TOP1: variants seen among roughly 807,000 people sequenced by gnomAD.
The protein encoded by TOP1 is DNA topoisomerase I.
Under a neutral mutation model 111.1 loss-of-function variants are expected in TOP1, and 10 were observed. The observed-to-expected ratio is 0.09, with a 90% CI of 0.06 to 0.15. The LOEUF is 0.15. TOP1 is among the 10% of genes least tolerant of loss of function. The probability of loss-of-function intolerance (pLI) is 1.00; values close to 1 mark genes in which losing one functional copy is unlikely to be tolerated. For synonymous variants in TOP1, 271 were observed against 302.9 expected, an observed-to-expected ratio of 0.89 and a Z score of 1.10; for missense variants, 474 against 926.7, an observed-to-expected ratio of 0.51 and a Z score of 6.34.
chr20:41,076,154 G>T lies in TOP1; in HGVS notation c.156-17G>T. ...TCCCTACTCTGGGCTAACGCTTTGT[G>T]ACTTAACTTTTTACAGTGAACATAA... On this transcript the variant is annotated splice_polypyrimidine_tract_variant and intron_variant, in intron 3 of 20. Transcript: ENST00000361337. The T allele has an allele frequency of 1.2e-6, 2 of 1,604,042 alleles. No individual in the cohort carries two copies. The highest frequency in any genetic ancestry group is 2.2e-5 in the South Asian group (2 of 88,954).
In TOP1 at chr20:41,123,245, G is replaced by A. The variant is rs56111014; in HGVS notation, c.2246G>A (p.Arg749Gln). 2 of 1,614,022 alleles carry A rather than the reference G, an allele frequency of 1.2e-6. No homozygotes were observed. Among genetic ancestry groups the A allele is most frequent in the African/African-American group, 1.3e-5 (1 of 74,918 alleles). The change falls in exon 21 of 21, where the codon CGG becomes CAG. Residue 749 changes from arginine (R) to glutamine (Q), a missense_variant. By Grantham distance (43) the Arg-to-Gln change is conservative (BLOSUM62 1). Transcript: ENST00000361337. The surrounding 1 kb of genome is among the most constrained non-coding windows in gnomAD (Gnocchi z 5.8). ...GAGAAGATTTACAACAAAACCCAGC[G>A]GGAGAAGTTTGCCTGGGCCATTGAC... ...PIEKIYNKTQ[R>Q]EKFAWAIDMA...
chr20:41,098,655 A>G lies in TOP1; in HGVS notation c.975+318A>G. ...CCACAGTGGCTACTGGATATTAAGG[A>G]TTTAAGACAGATGAAATCATATTGG... On this transcript the variant is annotated intron_variant, in intron 11 of 20. Coordinates refer to ENST00000361337, the MANE Select transcript of TOP1 (RefSeq NM_003286.4). The surrounding 1 kb of genome is among the most constrained non-coding windows in gnomAD (Gnocchi z 5.7). The G allele has an allele frequency of 4.8e-6, 1 of 208,012 alleles. No individual in the cohort carries two copies. The highest frequency in any genetic ancestry group is 9.7e-6 in the Non-Finnish European group (1 of 103,022). 12.9% of individuals were successfully genotyped at this position (208,012 alleles called of 1,614,324 possible).
In TOP1 at chr20:41,110,661, A is replaced by G. The variant is rs2034222235; in HGVS notation, c.1309-2121A>G. Among the ~76,000 whole-genome samples the G allele has an allele frequency of 6.6e-6, 1 of 152,226 alleles. No individual in the cohort carries two copies. Among genetic ancestry groups the G allele is most frequent in the African/African-American group, 2.4e-5 (1 of 41,458 alleles). On this transcript the variant is annotated intron_variant, in intron 13 of 20. Coordinates refer to ENST00000361337, the MANE Select transcript of TOP1 (RefSeq NM_003286.4). This position sits in a 1 kb window ranked among gnomAD's most constrained non-coding sequence, Gnocchi z 4.2. ...AGTCATCCAAAGAATGTCATCTACAATCAGTTAAATTAGATTTTTACCCAT... is the reference window on the plus strand; with the variant it reads ...AGTCATCCAAAGAATGTCATCTACAGTCAGTTAAATTAGATTTTTACCCAT...
At chr20:41,054,894 C>G (rs138424491) in intron 2 of TOP1, among the ~76,000 whole-genome samples, 4 of 152,228 alleles carry the variant, frequency 2.6e-5, no homozygotes, top group African/African-American at 7.2e-5. Context: ...ACATCTATTC[C>G]TACAGTAGGA....
intron 3 of TOP1, among the ~76,000 whole-genome samples, chr20:41,068,876 G>A (rs559615030): frequency 1.2e-4 from 18 of 152,206 alleles, no homozygotes; most frequent in African/African-American, 4.1e-4. Flanking sequence ...TTGGGAGGGG[G>A]GCTTGATTTT....
chr20:41,072,206 A>G (rs1488048919), intron 3 of TOP1: 4 of 983,172 alleles, frequency 4.1e-6, no homozygotes, highest in South Asian at 4.7e-5. Context: ...ATAGCCTACA[A>G]TTGTACTTTT....
chr20:41,032,986 C>A lies in TOP1; in HGVS notation c.58+3531C>A, dbSNP rs538265945. On this transcript the variant is annotated intron_variant, in intron 2 of 20. Coordinates refer to ENST00000361337, the MANE Select transcript of TOP1 (RefSeq NM_003286.4). The surrounding 1 kb of genome is among the most constrained non-coding windows in gnomAD (Gnocchi z 4.3). ...CATTATGCTCCAGGGTGGTTTTCTT[C>A]CCTTACATTGCAACTGGACTCCTTG... Among the ~76,000 whole-genome samples, 1 of 152,130 alleles carries A rather than the reference C, an allele frequency of 6.6e-6. No homozygotes were observed. The highest frequency in any genetic ancestry group is 1.9e-4 in the East Asian group (1 of 5,204).
At chr20:41,090,535 C>G (rs531455808) in intron 8 of TOP1, among the ~76,000 whole-genome samples, 1 of 152,260 alleles carries the variant, frequency 6.6e-6, no homozygotes, top group Middle Eastern at 3.4e-3. Flanking sequence ...CAGAGTGTCT[C>G]TCTGTTGCCC....
chr20:41,091,897 A>G (rs886422774), intron 8 of TOP1, among the ~76,000 whole-genome samples: 4 of 152,158 alleles, frequency 2.6e-5, no homozygotes, highest in Non-Finnish European at 5.9e-5. Context: ...ACCATTTTAA[A>G]AATACATTTT....
intron 8 of TOP1, among the ~76,000 whole-genome samples, chr20:41,086,139 T>G (rs1240746289): frequency 6.6e-6 from 1 of 152,076 alleles, no homozygotes; most frequent in Non-Finnish European, 1.5e-5. Context: ...GGTGCGCACC[T>G]GTAGTCCCAG....
intron 3 of TOP1, among the ~76,000 whole-genome samples, chr20:41,064,222 GGT>G (rs2033580275): frequency 6.6e-6 from 1 of 152,014 alleles, no homozygotes; most frequent in Non-Finnish European, 1.5e-5. Context: ...GATTGCTGTC[GGT>G]GTGTGGTTTT....
chr20:41,056,762 A>T (rs537341449), intron 2 of TOP1, among the ~76,000 whole-genome samples: 9 of 152,172 alleles, frequency 5.9e-5, no homozygotes, highest in Non-Finnish European at 1.2e-4. Flanking sequence ...GATTGTAAAC[A>T]TGAGCCACCG....
At position 41,029,718 on chromosome 20, in the gene TOP1, C is replaced by T. The variant is rs549985395; in HGVS notation, c.58+263C>T. The T allele has an allele frequency of 1.1e-5, 6 of 552,880 alleles. No individual in the cohort carries two copies. The Admixed American group carries it at 2.0e-4, about 18-fold the overall frequency. 34.2% of individuals were successfully genotyped at this position (552,880 alleles called of 1,614,324 possible). On this transcript the variant is annotated intron_variant, in intron 2 of 20. Coordinates refer to ENST00000361337, the MANE Select transcript of TOP1 (RefSeq NM_003286.4). The surrounding 1 kb of genome is among the most constrained non-coding windows in gnomAD (Gnocchi z 6.1). ...CCGGGCCTCGGGCGGTCTTTCCGGG[C>T]CGGGATTCCTCCCGGGAAAGTCGCC...
chr20:41,067,266 G>A lies in TOP1; in HGVS notation c.155+5776G>A, dbSNP rs541702353. 4.6e-5 allele frequency among the ~76,000 whole-genome samples: 7 copies of A among 151,816 alleles called. No homozygotes were observed. The highest frequency in any genetic ancestry group is 1.9e-4 in the East Asian group (1 of 5,146). On this transcript the variant is annotated intron_variant, in intron 3 of 20. Coordinates refer to ENST00000361337, the MANE Select transcript of TOP1 (RefSeq NM_003286.4). The surrounding 1 kb of genome is among the most constrained non-coding windows in gnomAD (Gnocchi z 4.0). ...TCCCGAGTAGCTGGGACTTACAGGCGCCTGCCACCACGCCGAGCTAATTTT... is the reference window on the plus strand; with the variant it reads ...TCCCGAGTAGCTGGGACTTACAGGCACCTGCCACCACGCCGAGCTAATTTT...
At chr20:41,037,052 G>A (rs533553496) in intron 2 of TOP1, among the ~76,000 whole-genome samples, 3 of 152,054 alleles carry the variant, frequency 2.0e-5, no homozygotes, top group South Asian at 4.2e-4. Flanking sequence ...GGATGGTCTC[G>A]ATCTCCTGAC....
Position 41,084,527 on chromosome 20 carries a change from GA to G in TOP1, c.578del (p.Lys193ArgfsTer28), listed in dbSNP as rs2145940536. 6.3e-7 allele frequency: 1 copy of G among 1,578,004 alleles called. No individual in the cohort carries two copies. On this transcript the variant is annotated frameshift_variant, in exon 8 of 21. Transcript: ENST00000361337. LOFTEE classifies it high-confidence loss of function. The stretch of plus-strand genomic sequence containing the variant: ...AAAAAGTTCCTGAGCCAGATAACAA[GA>G]AAAAGAAGCCGAAGAAAGAAGAGGA... ...DKKVPEPDNKKKKPKKEEEQK... is the reference protein window; with the variant it reads ...DKKVPEPDNKXKKPKKEEEQK...
At chr20:41,031,845 G>A (rs540147221) in intron 2 of TOP1, among the ~76,000 whole-genome samples, 5 of 148,490 alleles carry the variant, frequency 3.4e-5, no homozygotes, top group Non-Finnish European at 7.4e-5. Flanking sequence ...AGCTGAAAAA[G>A]GAGAGAAGGA....
At position 41,118,905 on chromosome 20, in the gene TOP1, G is replaced by T. The variant is rs530430624; in HGVS notation, c.1950+609G>T. 6.6e-6 allele frequency among the ~76,000 whole-genome samples: 1 copy of T among 152,060 alleles called. No homozygotes were observed. The highest frequency in any genetic ancestry group is 6.5e-5 in the Admixed American group (1 of 15,272). ...GAGCCTCTTTCCTCCTCCTAACTCC[G>T]CCTGGTACTGAGCTTTTAAACCATA... On this transcript the variant is annotated intron_variant, in intron 18 of 20. Transcript: ENST00000361337. This position sits in a 1 kb window ranked among gnomAD's most constrained non-coding sequence, Gnocchi z 4.6.
At position 41,095,148 on chromosome 20, in the gene TOP1, T is replaced by A; in HGVS notation, c.731-2072T>A. On this transcript the variant is annotated intron_variant, in intron 9 of 20. Transcript: ENST00000361337. The surrounding 1 kb of genome is among the most constrained non-coding windows in gnomAD (Gnocchi z 4.6). ...CTCACTGCAGCCTCCACCTCCAAGG[T>A]TCAAACGATTCTCATGCCTCAGCCT... Among the ~76,000 whole-genome samples the A allele has an allele frequency of 6.6e-6, 1 of 152,078 alleles. No homozygotes were observed. Among genetic ancestry groups the A allele is most frequent in the East Asian group, 1.9e-4 (1 of 5,200 alleles).
Sources: allele counts gnomAD v4.1 joint callset (sites outside exome capture counted in the v4.1 genomes callset), GRCh38; gene constraint gnomAD v4.1.1; non-coding constraint Gnocchi (gnomAD v3.1); transcripts MANE v1.5; gene names NCBI Gene and HGNC (gene_info 2026-07-23, HGNC 2026-07-21).